Variants in IFT80 observed in about 807,000 individuals in gnomAD.
The protein encoded by IFT80 is intraflagellar transport 80, also known as intraflagellar transport protein 80 homolog.
A neutral mutation model predicts 107.9 loss-of-function variants in IFT80; 79 were observed. That is an observed-to-expected ratio of 0.73 (90% CI 0.61 to 0.88). IFT80 has a LOEUF of 0.88. IFT80 is among the 40% of genes least tolerant of loss of function. IFT80 has a pLI of 0.00. For missense variants in IFT80, 797 were observed against 914.2 expected (o/e 0.87, Z 1.65); for synonymous variants, 299 against 300.9 (o/e 0.99, Z 0.07).
At chr3:160,302,421 C>T (rs1716499504) in intron 11 of IFT80, among the ~76,000 whole-genome samples, 1 of 151,978 alleles carries the variant, frequency 6.6e-6, no homozygotes, top group Non-Finnish European at 1.5e-5. Context: ...GACAAAGTGA[C>T]ATATATTAGT....
At position 160,381,642 on chromosome 3, in the gene IFT80, C is replaced by T. The variant is rs11707242; in HGVS notation, c.120G>A (p.Trp40Ter). The T allele has an allele frequency of 1.2e-6, 2 of 1,612,572 alleles. No individual in the cohort carries two copies. The highest frequency in any genetic ancestry group is 2.2e-5 in the South Asian group (2 of 91,002). The stretch of plus-strand genomic sequence containing the variant: ...GAGTTGTTTCACTGGTTAACAAGTT[C>T]CACTTCACTATCTGGTGATCATCAC... ...SCSDDHQIVK[W>*]NLLTSETTQI... The change falls in exon 3 of 20, where the codon TGG (tryptophan) becomes TGA (stop). Residue 40 changes from tryptophan to a stop codon, truncating the protein, a stop_gained. Coordinates refer to ENST00000326448, the MANE Select transcript of IFT80 (RefSeq NM_020800.3). LOFTEE classifies it high-confidence loss of function.
rs998267290 is a variant in IFT80, at chr3:160,366,143, A to G, written c.449T>C (p.Val150Ala). 1.2e-6 allele frequency: 2 copies of G among 1,608,926 alleles called. No individual in the cohort carries two copies. The highest frequency in any genetic ancestry group is 2.7e-5 in the African/African-American group (2 of 74,670). ...ATCAGGGCCCCACGCTACTGAATAC[A>G]CTGGTGTTCCTGTAAGATGAAAAAA... is the stretch of plus-strand genomic sequence containing the variant. ...RSTLAQQGTP[V>A]YSVAWGPDSE... The change falls in exon 6 of 20, where the codon GTG becomes GCG. Residue 150 changes from valine (V) to alanine (A), a missense_variant. Physicochemically the swap from Val to Ala is moderately conservative, Grantham distance 64 (BLOSUM62 0). Transcript: ENST00000326448.
At chr3:160,366,225 T>C (rs1378775535) in intron 5 of IFT80, 73 bp from the exon 6 acceptor site, 12 of 1,105,380 alleles carry the variant, frequency 1.1e-5, no homozygotes, top group Middle Eastern at 5.9e-4. Context: ...GAGAGATTGT[T>C]AAGAGGATCA....
rs1053219444 is a variant in IFT80, at chr3:160,262,370, T to C, written c.2224-3735A>G. 9.8e-5 allele frequency among the ~76,000 whole-genome samples: 15 copies of C among 152,334 alleles called. 1 individual carries two copies. In the South Asian group the frequency reaches 2.7e-3, roughly 27 times the overall value. On this transcript the variant is annotated intron_variant, in intron 19 of 19. Coordinates refer to ENST00000326448, the MANE Select transcript of IFT80 (RefSeq NM_020800.3). ...AACTAATCAGGTGAGGTTTGTTCTA[T>C]TTTTGAGACAGGGTCTTGCTCTGTC...
intron 8 of IFT80, among the ~76,000 whole-genome samples, chr3:160,339,815 C>G (rs1719755495): frequency 1.3e-5 from 2 of 152,182 alleles, no homozygotes; most frequent in Non-Finnish European, 2.9e-5. Context: ...TTAAGTAGCA[C>G]TATATCACTG....
chr3:160,287,152 G>A (rs1326284626), intron 12 of IFT80, among the ~76,000 whole-genome samples: 1 of 152,150 alleles, frequency 6.6e-6, no homozygotes, highest in Non-Finnish European at 1.5e-5. Flanking sequence ...TGATGAGCTG[G>A]GAAGGTGATG....
rs773593306 is a variant in IFT80, at chr3:160,279,256, A to G, written c.1773T>C (p.Ile591=). 5.0e-6 allele frequency: 8 copies of G among 1,613,426 alleles called. No individual in the cohort carries two copies. The highest frequency in any genetic ancestry group is 6.8e-6 in the Non-Finnish European group (8 of 1,179,530). ...VHISITPYPA[I]LHEYVSSSKW... ...TTGAACTGCTTACATATTCATGGAGAATAGCAGGATATGGTGTTATGCTGA... is the reference window on the plus strand; with the variant it reads ...TTGAACTGCTTACATATTCATGGAGGATAGCAGGATATGGTGTTATGCTGA... The change falls in exon 16 of 20, where the codon ATT becomes ATC. Residue 591 remains isoleucine, a synonymous_variant. Coordinates refer to ENST00000326448, the MANE Select transcript of IFT80 (RefSeq NM_020800.3).
intron 8 of IFT80, among the ~76,000 whole-genome samples, chr3:160,352,504 A>T (rs1397517038): frequency 6.6e-6 from 1 of 152,182 alleles, no homozygotes; most frequent in Non-Finnish European, 1.5e-5. Flanking sequence ...AATATCAAGC[A>T]TCTCACTAAG....
chr3:160,311,844 T>C (rs1244126359), intron 9 of IFT80, among the ~76,000 whole-genome samples: 8 of 152,118 alleles, frequency 5.3e-5, no homozygotes, highest in African/African-American at 1.7e-4. Flanking sequence ...TGGCGTGATA[T>C]GCGGCTCACT....
At chr3:160,264,053 TA>T (rs1713085364) in intron 19 of IFT80, among the ~76,000 whole-genome samples, 1 of 151,210 alleles carries the variant, frequency 6.6e-6, no homozygotes, top group African/African-American at 2.4e-5. Context: ...CCTCCCACCT[TA>T]GCCTCCCAAA....
At chr3:160,391,977 T>C (rs1713421276) in intron 1 of IFT80, among the ~76,000 whole-genome samples, 1 of 152,234 alleles carries the variant, frequency 6.6e-6, no homozygotes, top group Non-Finnish European at 1.5e-5. Context: ...TAGTCCCAAA[T>C]GTCTCTTGAG....
At chr3:160,366,015 T>C in intron 6 of IFT80, 28 bp downstream of exon 6, 1 of 1,556,696 alleles carries the variant, frequency 6.4e-7, no homozygotes, top group Non-Finnish European at 8.9e-7. Context: ...CAGACCCTGA[T>C]AACAATTTAC....
At chr3:160,268,807 T>C (rs987312900) in intron 18 of IFT80, 1 of 399,132 alleles carries the variant, frequency 2.5e-6, no homozygotes, top group Non-Finnish European at 4.6e-6. Context: ...ATATATACTA[T>C]TATTACAGCA....
chr3:160,321,201 A>G, intron 8 of IFT80, among the ~76,000 whole-genome samples: 1 of 152,010 alleles, frequency 6.6e-6, no homozygotes, highest in Non-Finnish European at 1.5e-5. Context: ...TTTGAAAATA[A>G]CTGTAGAAGA....
At chr3:160,357,861 A>G (rs763312441) in intron 6 of IFT80, among the ~76,000 whole-genome samples, 13 of 152,190 alleles carry the variant, frequency 8.5e-5, no homozygotes, top group Non-Finnish European at 1.6e-4. Flanking sequence ...CTGCTGAACT[A>G]TTTCAAGCCG....
Position 160,258,567 on chromosome 3 carries a change from T to C in IFT80, c.2292A>G (p.Ser764=), listed in dbSNP as rs376683399. 8.1e-6 allele frequency: 13 copies of C among 1,613,844 alleles called. No homozygotes were observed. The highest frequency in any genetic ancestry group is 1.1e-5 in the Non-Finnish European group (13 of 1,179,972). The change falls in exon 20 of 20, where the codon TCA becomes TCG. Residue 764 remains serine (S), a synonymous_variant. Transcript: ENST00000326448. ...TACTCTTGCTGGATTGGCTGCTTGATGATTGCTCTCTTTCTTTTGTAATTT... is the reference window on the plus strand; with the variant it reads ...TACTCTTGCTGGATTGGCTGCTTGACGATTGCTCTCTTTCTTTTGTAATTT... ...EMEITKEREQ[S]SSSQSSKSIG... is the part of the protein sequence containing the mutation.
chr3:160,285,806 T>G lies in IFT80; in HGVS notation c.1378A>C (p.Lys460Gln). 6.2e-7 allele frequency: 1 copy of G among 1,600,630 alleles called. No individual in the cohort carries two copies. Among genetic ancestry groups the G allele is most frequent in the South Asian group, 1.1e-5 (1 of 90,544 alleles). ...TAGAAGTAGTTAATGTCCATTACCT[T>G]ATGAGAAAGAAACTTTCCATCACCT... ...PLGDGKFLSHKNEILEIALDQ... is the reference protein window; with the variant it reads ...PLGDGKFLSHQNEILEIALDQ... The change falls in exon 13 of 20, where the codon AAG becomes CAG. Residue 460 changes from lysine to glutamine, a missense_variant and splice_region_variant. Physicochemically the swap from Lys to Gln is moderately conservative, Grantham distance 53. Transcript: ENST00000326448.
rs568582907 is a variant in IFT80 at position 160,361,480 on chromosome 3, T to A, written c.550-3902A>T. ...TAGACAGATCAACAAGACAGAAGGT[T>A]AACAAGGATATCCAGGACTTGAACT... On this transcript the variant is annotated intron_variant, in intron 6 of 19. Coordinates refer to ENST00000326448, the MANE Select transcript of IFT80 (RefSeq NM_020800.3). 3.2e-4 allele frequency among the ~76,000 whole-genome samples: 49 copies of A among 152,178 alleles called. No individual in the cohort carries two copies. In the South Asian group the frequency reaches 9.6e-3, roughly 30 times the overall value.
intron 12 of IFT80, among the ~76,000 whole-genome samples, chr3:160,294,957 TA>T (rs1451651121): frequency 1.3e-5 from 2 of 152,246 alleles, no homozygotes; most frequent in African/African-American, 4.8e-5. Flanking sequence ...TTTTTCTTTT[TA>T]GGGGCTGCTT....
Sources: allele counts gnomAD v4.1 joint callset (sites outside exome capture counted in the v4.1 genomes callset), GRCh38; gene constraint gnomAD v4.1.1; transcripts MANE v1.5; gene names NCBI Gene and HGNC (gene_info 2026-07-23, HGNC 2026-07-21).